PABPC4L: variants seen among roughly 807,000 people sequenced by gnomAD.
PABPC4L encodes poly(A) binding protein cytoplasmic 4 like.
For missense variants in PABPC4L, 452 were observed against 451.4 expected (o/e 1.00, Z -0.01); for synonymous variants, 169 against 164.1 (o/e 1.03, Z -0.23).
At chr4:134,045,843 A>T in the PABPC4L span, among the ~76,000 whole-genome samples, 1 of 152,198 alleles carries the variant, frequency 6.6e-6, no homozygotes, top group African/African-American at 2.4e-5. Context: ...ATACTGACAC[A>T]TAATTTCCTT....
chr4:134,124,651 A>AAAAT, the PABPC4L span, among the ~76,000 whole-genome samples: 1 of 152,090 alleles, frequency 6.6e-6, no homozygotes, highest in African/African-American at 2.4e-5. Flanking sequence ...GGTTATATTT[A>AAAAT]TGGTTTAAAC....
At chr4:133,990,817 G>C in the PABPC4L span, among the ~76,000 whole-genome samples, 2 of 152,130 alleles carry the variant, frequency 1.3e-5, no homozygotes, top group African/African-American at 4.8e-5. Context: ...ATCGAGATAA[G>C]TTCCTTTACA....
At chr4:134,042,289 G>A in the PABPC4L span, among the ~76,000 whole-genome samples, 1 of 152,064 alleles carries the variant, frequency 6.6e-6, no homozygotes, top group South Asian at 2.1e-4. Flanking sequence ...TTGGAGACTA[G>A]AAGGTTGGGG....
the PABPC4L span, among the ~76,000 whole-genome samples, chr4:134,087,532 G>A: frequency 1.6e-3 from 243 of 152,206 alleles, 1 homozygote; most frequent in African/African-American, 5.5e-3. Flanking sequence ...AAAGCTGCCC[G>A]CCTAACACCA....
At chr4:134,150,410 A>G in the PABPC4L span, among the ~76,000 whole-genome samples, 2 of 152,236 alleles carry the variant, frequency 1.3e-5, no homozygotes, top group East Asian at 3.9e-4. Context: ...TAGCAATGCT[A>G]TAATTAATAA....
chr4:134,044,122 G>C, the PABPC4L span, among the ~76,000 whole-genome samples: 1 of 151,882 alleles, frequency 6.6e-6, no homozygotes, highest in Non-Finnish European at 1.5e-5. Flanking sequence ...TAGAGACAGG[G>C]GTTTCCCCAT....
At chr4:134,062,948 G>A in the PABPC4L span, among the ~76,000 whole-genome samples, 2 of 152,084 alleles carry the variant, frequency 1.3e-5, no homozygotes, top group African/African-American at 2.4e-5. Context: ...AATGCTTCAT[G>A]TTTAAAAATT....
At chr4:134,079,608 A>C in the PABPC4L span, among the ~76,000 whole-genome samples, 5 of 111,602 alleles carry the variant, frequency 4.5e-5, no homozygotes, top group Non-Finnish European at 7.4e-5. Context: ...AAAAAAAAAA[A>C]AAACTGTGCA....
At chr4:134,128,850 C>A in the PABPC4L span, among the ~76,000 whole-genome samples, 1 of 151,972 alleles carries the variant, frequency 6.6e-6, no homozygotes, top group Non-Finnish European at 1.5e-5. Context: ...CGTAAATGGC[C>A]TAAATGCTTC....
the PABPC4L span, among the ~76,000 whole-genome samples, chr4:134,064,861 T>C: frequency 2.0e-5 from 3 of 152,084 alleles, no homozygotes; most frequent in Non-Finnish European, 2.9e-5. Flanking sequence ...TTTGATTAAC[T>C]GTTCTTGTTA....
At chr4:133,991,273 T>A in the PABPC4L span, among the ~76,000 whole-genome samples, 1 of 152,118 alleles carries the variant, frequency 6.6e-6, no homozygotes, top group East Asian at 1.9e-4. Context: ...CATTTAGGGA[T>A]TCTAGAATTT....
the PABPC4L span, among the ~76,000 whole-genome samples, chr4:134,160,768 G>T: frequency 3.3e-5 from 5 of 152,090 alleles, no homozygotes; most frequent in Non-Finnish European, 7.4e-5. Context: ...GGAGTCTGAG[G>T]TGTGAGGATT....
the PABPC4L span, among the ~76,000 whole-genome samples, chr4:133,996,751 T>C: frequency 6.6e-6 from 1 of 152,146 alleles, no homozygotes; most frequent in Non-Finnish European, 1.5e-5. Context: ...ACCGCACTGC[T>C]TAGCACCGCC....
At chr4:134,131,734 AAAAAAAAAAG>A in the PABPC4L span, among the ~76,000 whole-genome samples, 1 of 147,448 alleles carries the variant, frequency 6.8e-6, no homozygotes, top group African/African-American at 2.5e-5. Flanking sequence ...AAAAAAAAAA[AAAAAAAAAAG>A]CCTCCATAGC....
chr4:133,988,977 C>T, the PABPC4L span, among the ~76,000 whole-genome samples: 1 of 152,168 alleles, frequency 6.6e-6, no homozygotes, highest in African/African-American at 2.4e-5. Context: ...AGCTTGCACC[C>T]TCTGAAGCAG....
chr4:134,168,334 T>C, the PABPC4L span, among the ~76,000 whole-genome samples: 1 of 151,806 alleles, frequency 6.6e-6, no homozygotes, highest in Non-Finnish European at 1.5e-5. Flanking sequence ...AGAAAAACTT[T>C]AAATAACTAA....
chr4:133,982,129 T>G, the PABPC4L span, among the ~76,000 whole-genome samples: 1 of 152,074 alleles, frequency 6.6e-6, no homozygotes, highest in Non-Finnish European at 1.5e-5. Context: ...ATTCCTGAAC[T>G]ACTTCCTATA....
At position 134,200,495 on chromosome 4, in the gene PABPC4L, T is replaced by C. The variant is rs1198152331; in HGVS notation, c.525A>G (p.Arg175=). 2 of 1,551,534 alleles carry C rather than the reference T, an allele frequency of 1.3e-6. No homozygotes were observed. The highest frequency in any genetic ancestry group is 1.4e-5 in the African/African-American group (1 of 73,032). ...TTCTGAGTTCAGCTTCACGATCTTT[T>C]CGGTTTTTGAATCTGCCAACAAACA... ...CKVFVGRFKN[R]KDREAELRSK... Residue 175 remains arginine (R), a synonymous_variant, in exon 2 of 2, where the codon CGA becomes CGG. Transcript: ENST00000421491.
chr4:134,098,416 T>C, the PABPC4L span, among the ~76,000 whole-genome samples: 7 of 151,864 alleles, frequency 4.6e-5, no homozygotes, highest in African/African-American at 1.7e-4. Context: ...TTTGTTTGTT[T>C]TTTTATTTTT....
Sources: allele counts gnomAD v4.1 joint callset (sites outside exome capture counted in the v4.1 genomes callset), GRCh38; gene constraint gnomAD v4.1.1; transcripts MANE v1.5; gene names NCBI Gene and HGNC (gene_info 2026-07-23, HGNC 2026-07-21).